ADAMTS2: variants seen among roughly 807,000 people sequenced by gnomAD.
ADAMTS2 encodes A disintegrin and metalloproteinase with thrombospondin motifs 2.
Under a neutral mutation model 123.0 loss-of-function variants are expected in ADAMTS2, and 50 were observed. That is an observed-to-expected ratio of 0.41 (90% CI 0.32 to 0.51). The LOEUF is 0.51. ADAMTS2 is among the 20% of genes least tolerant of loss of function. The pLI is 0.35. For synonymous variants in ADAMTS2, 678 were observed against 695.4 expected (o/e 0.98, Z 0.39); for missense variants, 1,494 against 1,705.2 (o/e 0.88, Z 2.18).
At chr5:179,248,372 G>A (rs1765851014) in intron 3 of ADAMTS2, among the ~76,000 whole-genome samples, 1 of 152,052 alleles carries the variant, frequency 6.6e-6, no homozygotes, top group Admixed American at 6.6e-5. Context: ...GCAGAATTCA[G>A]TCCCTCCTTA....
At position 179,113,727 on chromosome 5, in the gene ADAMTS2, C is replaced by T. The variant is rs1762611055; in HGVS notation, c.*140G>A. On this transcript the variant is annotated 3_prime_UTR_variant, in exon 22 of 22. Transcript: ENST00000251582. ...CACATGCTCATGCCTATCTTTCTTACGTCATTCCCCCTCTTTGTTTTCTCA... is the reference window on the plus strand; with the variant it reads ...CACATGCTCATGCCTATCTTTCTTATGTCATTCCCCCTCTTTGTTTTCTCA... The T allele has an allele frequency of 1.1e-5, 10 of 872,972 alleles. No homozygotes were observed. The highest frequency in any genetic ancestry group is 2.1e-5 in the Admixed American group (1 of 47,392). 54.1% of individuals were successfully genotyped at this position (872,972 alleles called of 1,614,324 possible).
Position 179,115,214 on chromosome 5 carries a change from C to T in ADAMTS2, c.3179-890G>A, listed in dbSNP as rs1302606047. ...TCACTTTCCACCCAGCCATCTTCTC[C>T]CTGGCCCATCTCGACCTCTGTCTGC... is the stretch of plus-strand genomic sequence containing the variant. On this transcript the variant is annotated intron_variant, in intron 21 of 21. Transcript: ENST00000251582. The surrounding 1 kb of genome is among the most constrained non-coding windows in gnomAD (Gnocchi z 4.4). 1.3e-5 allele frequency among the ~76,000 whole-genome samples: 2 copies of T among 152,164 alleles called. No individual in the cohort carries two copies. Among genetic ancestry groups the T allele is most frequent in the Non-Finnish European group, 2.9e-5 (2 of 68,024 alleles).
At chr5:179,259,800 C>T (rs1348229182) in intron 3 of ADAMTS2, among the ~76,000 whole-genome samples, 1 of 152,250 alleles carries the variant, frequency 6.6e-6, no homozygotes, top group African/African-American at 2.4e-5. Flanking sequence ...CCCGTGTCTA[C>T]TGGGCACCCC....
intron 2 of ADAMTS2, among the ~76,000 whole-genome samples, chr5:179,277,108 G>A (rs994110310): frequency 6.6e-6 from 1 of 152,024 alleles, no homozygotes; most frequent in African/African-American, 2.4e-5. Flanking sequence ...CGACTCCTCG[G>A]AGGGCACAGG....
chr5:179,200,014 T>C (rs1320910812), intron 4 of ADAMTS2, among the ~76,000 whole-genome samples: 5 of 152,166 alleles, frequency 3.3e-5, no homozygotes, highest in Non-Finnish European at 7.3e-5. Context: ...AGTGGCTTAA[T>C]AGTCCCTTTG....
At chr5:179,187,306 T>A (rs2113326575) in intron 4 of ADAMTS2, among the ~76,000 whole-genome samples, 1 of 152,326 alleles carries the variant, frequency 6.6e-6, no homozygotes. Context: ...CAGGAGGGTC[T>A]GGCCCTGCTG....
chr5:179,294,663 C>T (rs1756282492), intron 2 of ADAMTS2, among the ~76,000 whole-genome samples: 1 of 152,256 alleles, frequency 6.6e-6, no homozygotes, highest in African/African-American at 2.4e-5. Flanking sequence ...GGGCTGCACC[C>T]ACATCCGCAG....
At chr5:179,209,344 C>T (rs527983466) in intron 3 of ADAMTS2, among the ~76,000 whole-genome samples, 4 of 152,318 alleles carry the variant, frequency 2.6e-5, no homozygotes, top group Admixed American at 2.0e-4. Context: ...ACCTGCAGCC[C>T]GGCTGTGGGC....
At chr5:179,200,077 G>A (rs756443168) in intron 4 of ADAMTS2, among the ~76,000 whole-genome samples, 16 of 152,104 alleles carry the variant, frequency 1.1e-4, no homozygotes, top group African/African-American at 1.4e-4. Context: ...TTCATTGTGC[G>A]TTGGGGCCTG....
At position 179,153,569 on chromosome 5, in the gene ADAMTS2, G is replaced by A. The variant is rs1449358026; in HGVS notation, c.1437C>T (p.Pro479=). The change falls in exon 9 of 22, where the codon CCC becomes CCT. Residue 479 remains proline (P), a synonymous_variant. Transcript: ENST00000251582. ...DPFAHDWPAL[P]QLPGLHYSMN... ...TGGAGTAGTGCAGTCCCGGGAGCTGGGGCAGCGCCGGCCAGTCGTGGGCGA... is the reference window on the plus strand; with the variant it reads ...TGGAGTAGTGCAGTCCCGGGAGCTGAGGCAGCGCCGGCCAGTCGTGGGCGA... The A allele has an allele frequency of 1.2e-6, 2 of 1,609,396 alleles. No individual in the cohort carries two copies. Among genetic ancestry groups the A allele is most frequent in the South Asian group, 1.1e-5 (1 of 90,980 alleles).
In ADAMTS2 at chr5:179,185,121, G is replaced by A. The variant is rs1447009052; in HGVS notation, c.892-3966C>T. 6.6e-6 allele frequency among the ~76,000 whole-genome samples: 1 copy of A among 152,156 alleles called. No individual in the cohort carries two copies. The highest frequency in any genetic ancestry group is 6.5e-5 in the Admixed American group (1 of 15,276). On this transcript the variant is annotated intron_variant, in intron 4 of 21. Transcript: ENST00000251582. This position sits in a 1 kb window ranked among gnomAD's most constrained non-coding sequence, Gnocchi z 5.9. ...GAAGGGATGCCCCAGCAGAGGAGGT[G>A]GGAGGGGAGCACTGAGGCCAGACCA...
At chr5:179,298,920 A>G (rs1756420613) in intron 2 of ADAMTS2, among the ~76,000 whole-genome samples, 1 of 152,208 alleles carries the variant, frequency 6.6e-6, no homozygotes, top group Admixed American at 6.5e-5. Context: ...ATAGCTCTTA[A>G]GTTACTGGAA....
Position 179,181,215 on chromosome 5 carries a change from G to A in ADAMTS2, c.892-60C>T, listed in dbSNP as rs368343585. On this transcript the variant is annotated intron_variant, in intron 4 of 21. Coordinates refer to ENST00000251582, the MANE Select transcript of ADAMTS2 (RefSeq NM_014244.5). This position sits in a 1 kb window ranked among gnomAD's most constrained non-coding sequence, Gnocchi z 4.1. The stretch of plus-strand genomic sequence containing the variant: ...AGGCCCTAGGACTGGCTCTGGCTCT[G>A]CCAATGGGATGACCCCCACCTGCTC... The A allele has an allele frequency of 8.1e-4, 1,016 of 1,252,482 alleles. 1 individual carries two copies. Among genetic ancestry groups the A allele is most frequent in the Non-Finnish European group, 1.1e-3 (972 of 852,392 alleles). The allele number at this position is 1,252,482 out of a possible 1,614,324, so 77.6% of individuals were successfully genotyped here.
chr5:179,145,476 T>C (rs1265737318), intron 10 of ADAMTS2, among the ~76,000 whole-genome samples: 1 of 152,150 alleles, frequency 6.6e-6, no homozygotes, highest in Non-Finnish European at 1.5e-5. Context: ...CAAATGTCCA[T>C]CAACTAATAA....
At chr5:179,279,078 T>G (rs1766821136) in intron 2 of ADAMTS2, among the ~76,000 whole-genome samples, 1 of 152,064 alleles carries the variant, frequency 6.6e-6, no homozygotes, top group African/African-American at 2.4e-5. Flanking sequence ...TGGTTCCCAC[T>G]GCCCCTTCCC....
intron 2 of ADAMTS2, among the ~76,000 whole-genome samples, chr5:179,300,341 C>T (rs577518648): frequency 1.3e-4 from 20 of 152,228 alleles, no homozygotes; most frequent in African/African-American, 4.8e-4. Flanking sequence ...TTGCTTTCTC[C>T]TTAATACTTT....
rs6863024 is a variant in ADAMTS2 at position 179,122,789 on chromosome 5, C to A, written c.2959-16G>T. 1 of 1,553,658 alleles carries A rather than the reference C, an allele frequency of 6.4e-7. No homozygotes were observed. On this transcript the variant is annotated splice_polypyrimidine_tract_variant and intron_variant, in intron 19 of 21. Coordinates refer to ENST00000251582, the MANE Select transcript of ADAMTS2 (RefSeq NM_014244.5). ...TTACTGAGCACTGCAGGGGGAGAGTCGCCAGGCAGGGTTCACCTCCCACAC... is the reference window on the plus strand; with the variant it reads ...TTACTGAGCACTGCAGGGGGAGAGTAGCCAGGCAGGGTTCACCTCCCACAC...
At position 179,180,795 on chromosome 5, in the gene ADAMTS2, G is replaced by C. The variant is rs755074771; in HGVS notation, c.975+277C>G. 3.3e-5 allele frequency among the ~76,000 whole-genome samples: 5 copies of C among 152,166 alleles called. No individual in the cohort carries two copies. Among genetic ancestry groups the C allele is most frequent in the Non-Finnish European group, 5.9e-5 (4 of 68,020 alleles). ...TCCCTCTGCCTCCTGACCACCCCTG[G>C]TGCCTCCCTGTGTGGCCCCCGTGGC... On this transcript the variant is annotated intron_variant, in intron 5 of 21. Coordinates refer to ENST00000251582, the MANE Select transcript of ADAMTS2 (RefSeq NM_014244.5). This position sits in a 1 kb window ranked among gnomAD's most constrained non-coding sequence, Gnocchi z 4.6.
chr5:179,150,485 C>G (rs939607437), intron 10 of ADAMTS2, among the ~76,000 whole-genome samples: 4 of 152,212 alleles, frequency 2.6e-5, no homozygotes, highest in African/African-American at 9.6e-5. Context: ...TTCACAGCGG[C>G]GTGACTCACG....
Sources: allele counts gnomAD v4.1 joint callset (sites outside exome capture counted in the v4.1 genomes callset), GRCh38; gene constraint gnomAD v4.1.1; non-coding constraint Gnocchi (gnomAD v3.1); transcripts MANE v1.5; gene names NCBI Gene and HGNC (gene_info 2026-07-23, HGNC 2026-07-21).